Variants in IL23R observed in about 807,000 individuals in gnomAD.
IL23R encodes interleukin-23 receptor.
In IL23R, 34 loss-of-function variants were observed where a neutral mutation model predicts 56.9. That is an observed-to-expected ratio of 0.60 (90% confidence interval 0.45 to 0.80). IL23R has a LOEUF of 0.80. Among genes scored for constraint, IL23R ranks in the 30% least tolerant of loss-of-function variants. IL23R has a pLI of 0.00. For missense variants in IL23R, 635 were observed against 730.0 expected, an observed-to-expected ratio of 0.87 and a Z score of 1.50; for synonymous variants, 230 against 249.2, an observed-to-expected ratio of 0.92 and a Z score of 0.73.
upstream of IL23R, among the ~76,000 whole-genome samples, chr1:67,164,208 C>T (rs1009165692): frequency 3.9e-5 from 6 of 152,158 alleles, no homozygotes; most frequent in Non-Finnish European, 7.4e-5. Flanking sequence ...TAAAAATCAG[C>T]TCTTGGGCAG....
downstream of IL23R, among the ~76,000 whole-genome samples, chr1:67,261,951 A>G (rs1653216270): frequency 6.6e-6 from 1 of 152,164 alleles, no homozygotes; most frequent in African/African-American, 2.4e-5. Context: ...CAAAGGAGAC[A>G]CTTCTGATTC....
At chr1:67,246,225 C>A (rs1189972927) in intron 9 of IL23R, among the ~76,000 whole-genome samples, 1 of 152,010 alleles carries the variant, frequency 6.6e-6, no homozygotes, top group East Asian at 1.9e-4. Context: ...GTCTGGCTAG[C>A]AGTCTATCTA....
chr1:67,148,131 C>T (rs1005840748), intron 1 of IL23R, among the ~76,000 whole-genome samples: 14 of 152,214 alleles, frequency 9.2e-5, no homozygotes, highest in Non-Finnish European at 1.8e-4. Context: ...GCCTCTAGCC[C>T]GATCCGCAGC....
At chr1:67,206,583 A>G (rs1192207592) in intron 5 of IL23R, among the ~76,000 whole-genome samples, 1 of 151,850 alleles carries the variant, frequency 6.6e-6, no homozygotes, top group Admixed American at 6.6e-5. Flanking sequence ...TCTCATTTTT[A>G]TACTCTTTTG....
chr1:67,176,113 AC>A (rs1326833626), intron 3 of IL23R, among the ~76,000 whole-genome samples: 31 of 152,126 alleles, frequency 2.0e-4, no homozygotes, highest in Non-Finnish European at 3.7e-4. Flanking sequence ...GTCATCAATG[AC>A]CTTAGCAACA....
chr1:67,211,515 C>T (rs530276305), intron 6 of IL23R, among the ~76,000 whole-genome samples: 240 of 151,986 alleles, frequency 1.6e-3, no homozygotes, highest in Non-Finnish European at 3.0e-3. Flanking sequence ...CCCAGCTACT[C>T]AGAAGGCTGA....
At chr1:67,180,706 T>A (rs1377366938) in intron 3 of IL23R, among the ~76,000 whole-genome samples, 1 of 152,246 alleles carries the variant, frequency 6.6e-6, no homozygotes, top group Non-Finnish European at 1.5e-5. Context: ...TACAGTTTCT[T>A]CCTAGCCTCG....
chr1:67,206,550 G>A (rs1649077031), intron 5 of IL23R, among the ~76,000 whole-genome samples: 1 of 152,154 alleles, frequency 6.6e-6, no homozygotes, highest in African/African-American at 2.4e-5. Context: ...AACAGATGGA[G>A]GGAAGAGGGG....
Position 67,181,918 on chromosome 1 carries a change from G to T in IL23R, c.368-918G>T, listed in dbSNP as rs1242514833. Among the ~76,000 whole-genome samples, 3 of 152,320 alleles carry T rather than the reference G, an allele frequency of 2.0e-5. No homozygotes were observed. In the East Asian group the frequency reaches 5.8e-4, roughly 29 times the overall value. On this transcript the variant is annotated intron_variant, in intron 3 of 10. Coordinates refer to ENST00000347310, the MANE Select transcript of IL23R (RefSeq NM_144701.3). ...GTCCATTCCAGCCCTGTTTGCCTGG[G>T]TATCAGCAGTGGAGGCTGCAGAACA...
At chr1:67,207,214 T>A in intron 6 of IL23R, 159 bp downstream of exon 6, 1 of 859,088 alleles carries the variant, frequency 1.2e-6, no homozygotes, top group Non-Finnish European at 1.9e-6. Context: ...TAATTTCAAC[T>A]TTTATTTTAG....
intron 4 of IL23R, among the ~76,000 whole-genome samples, chr1:67,188,371 A>T (rs991798685): frequency 6.6e-6 from 1 of 152,198 alleles, no homozygotes; most frequent in African/African-American, 2.4e-5. Flanking sequence ...CTCTGTCTGG[A>T]TGGGAACCTG....
chr1:67,177,742 A>G lies in IL23R; in HGVS notation c.368-5094A>G, dbSNP rs145187921. 8.0e-3 allele frequency among the ~76,000 whole-genome samples: 1,216 copies of G among 151,172 alleles called. 61 individuals are homozygous for G. Among genetic ancestry groups the G allele is most frequent in the African/African-American group, 0.028 (1,155 of 40,556 alleles). On this transcript the variant is annotated intron_variant, in intron 3 of 10. Transcript: ENST00000347310. ...ATCTAGGTATTCTTCTAGGGTTTTTATGGTTTTAGGTCTTATGTTTAAGTA... is the reference window on the plus strand; with the variant it reads ...ATCTAGGTATTCTTCTAGGGTTTTTGTGGTTTTAGGTCTTATGTTTAAGTA...
chr1:67,182,205 G>A (rs1169239286), intron 3 of IL23R, among the ~76,000 whole-genome samples: 1 of 152,210 alleles, frequency 6.6e-6, no homozygotes, highest in Non-Finnish European at 1.5e-5. Flanking sequence ...GCTGCCTTTT[G>A]TTTAGCTATG....
Position 67,248,799 on chromosome 1 carries a change from C to T in IL23R, c.1149-7038C>T, listed in dbSNP as rs952700394. Among the ~76,000 whole-genome samples, 7 of 152,136 alleles carry T rather than the reference C, an allele frequency of 4.6e-5. No individual in the cohort carries two copies. The South Asian group carries it at 6.2e-4, about 14-fold the overall frequency. On this transcript the variant is annotated intron_variant, in intron 9 of 10. Coordinates refer to ENST00000347310, the MANE Select transcript of IL23R (RefSeq NM_144701.3). The stretch of plus-strand genomic sequence containing the variant: ...GGGTGGGACCCACTGAGCCAGGCAC[C>T]GGAGGGAATCTCCTGATCTGCTGGT...
intron 5 of IL23R, among the ~76,000 whole-genome samples, chr1:67,204,212 A>T (rs543249599): frequency 1.5e-3 from 232 of 152,170 alleles, no homozygotes; most frequent in Middle Eastern, 6.8e-3. Context: ...TACAGGCGCC[A>T]GCCACCTCGC....
chr1:67,254,733 G>A (rs1478449100), intron 9 of IL23R, among the ~76,000 whole-genome samples: 1 of 152,190 alleles, frequency 6.6e-6, no homozygotes, highest in Non-Finnish European at 1.5e-5. Context: ...TTGTTAATAT[G>A]TAAAAAGGTG....
intron 1 of IL23R, among the ~76,000 whole-genome samples, chr1:67,142,669 G>A (rs1395488887): frequency 3.3e-5 from 5 of 152,124 alleles, no homozygotes. Context: ...GGGTTCAAGC[G>A]ATTCTCCTGT....
At chr1:67,210,495 C>A (rs1649384817) in intron 6 of IL23R, among the ~76,000 whole-genome samples, 1 of 151,440 alleles carries the variant, frequency 6.6e-6, no homozygotes, top group Non-Finnish European at 1.5e-5. Context: ...TAGACTCTCA[C>A]TTCATCACCC....
intron 7 of IL23R, among the ~76,000 whole-genome samples, chr1:67,225,572 A>ACCCAC (rs1650559709): frequency 6.7e-6 from 1 of 150,222 alleles, no homozygotes; most frequent in African/African-American, 2.5e-5. Context: ...AGTGTAGTGC[A>ACCCAC]CCATCTCAGA....
Sources: gnomAD v4.1 joint callset for allele counts (sites outside exome capture counted in the v4.1 genomes callset) on GRCh38, gnomAD v4.1.1 for gene constraint, MANE v1.5 for transcripts, NCBI Gene and HGNC (gene_info 2026-07-23, HGNC 2026-07-21) for gene names.